DSCAM: variants seen among roughly 807,000 people sequenced by gnomAD.
DSCAM encodes cell adhesion molecule DSCAM.
In DSCAM, 47 loss-of-function variants were observed where a neutral mutation model predicts 217.7. The ratio of observed to expected loss-of-function variants is 0.22; its 90% CI spans 0.17 to 0.28. The LOEUF (loss-of-function observed/expected upper bound fraction) is 0.28, where lower values mean the gene tolerates loss of function less well. DSCAM is among the 10% of genes least tolerant of loss of function. The probability of loss-of-function intolerance (pLI) is 1.00; values close to 1 mark genes in which losing one functional copy is unlikely to be tolerated. For synonymous variants in DSCAM, 1,056 were observed against 1,015.3 expected (o/e 1.04, Z -0.76); for missense variants, 2,080 against 2,618.3 (o/e 0.79, Z 4.49).
chr21:40,452,120 A>C lies in DSCAM; in HGVS notation c.509-82875T>G, dbSNP rs78114246. Among the ~76,000 whole-genome samples, 369 of 152,248 alleles carry C rather than the reference A, an allele frequency of 2.4e-3. 13 individuals are homozygous for C. In the East Asian group the frequency reaches 0.061, roughly 25 times the overall value. ...AAGATGATTAAATGTGGAGAAAAAT[A>C]CATCCAATGAAAAATACAGAACACT... On this transcript the variant is annotated intron_variant, in intron 3 of 32. Transcript: ENST00000400454.
chr21:40,059,729 C>CCTGGCTTAGTA (rs2089084835), intron 28 of DSCAM, among the ~76,000 whole-genome samples: 1 of 152,046 alleles, frequency 6.6e-6, no homozygotes, highest in African/African-American at 2.4e-5. Flanking sequence ...GAAAACAAAG[C>CCTGGCTTAGTA]GGTAAAATGA....
chr21:40,704,530 C>T (rs922132280), intron 2 of DSCAM, among the ~76,000 whole-genome samples: 1 of 151,990 alleles, frequency 6.6e-6, no homozygotes, highest in Non-Finnish European at 1.5e-5. Context: ...GCCTGGGTAA[C>T]ATAGTGAGAA....
At chr21:40,482,355 G>A (rs543012289) in intron 3 of DSCAM, among the ~76,000 whole-genome samples, 29 of 152,254 alleles carry the variant, frequency 1.9e-4, no homozygotes, top group African/African-American at 7.0e-4. Flanking sequence ...TTGAAAACAC[G>A]TGCCTAGCAC....
intron 20 of DSCAM, among the ~76,000 whole-genome samples, chr21:40,113,760 T>C (rs62237606): frequency 0.12 from 18,626 of 151,968 alleles, 1,246 homozygotes; most frequent in Non-Finnish European, 0.16. Context: ...CATTCTTATA[T>C]ACCAATAACA....
chr21:40,209,040 G>C (rs984976406), intron 11 of DSCAM, among the ~76,000 whole-genome samples: 1 of 152,146 alleles, frequency 6.6e-6, no homozygotes, highest in Non-Finnish European at 1.5e-5. Flanking sequence ...TTGAGAACTC[G>C]CATTCAGGAT....
rs1034056665 is a variant in DSCAM, at chr21:40,393,073, C to G, written c.509-23828G>C. Among the ~76,000 whole-genome samples the G allele has an allele frequency of 2.6e-5, 4 of 152,204 alleles. No homozygotes were observed. The East Asian group carries it at 5.8e-4, about 22-fold the overall frequency. ...TATTTAATGCACGCAGCTCCAAAGG[C>G]TGGTTCCCTAATATCGGCTCCAAAT... On this transcript the variant is annotated intron_variant, in intron 3 of 32. Transcript: ENST00000400454.
intron 3 of DSCAM, among the ~76,000 whole-genome samples, chr21:40,559,158 G>C (rs2076695698): frequency 7.3e-6 from 1 of 136,670 alleles, no homozygotes; most frequent in South Asian, 2.5e-4. Context: ...TTGGAAGAAT[G>C]AATTCTCCAG....
intron 3 of DSCAM, among the ~76,000 whole-genome samples, chr21:40,381,203 T>C (rs1445475693): frequency 6.6e-6 from 1 of 152,120 alleles, no homozygotes; most frequent in Non-Finnish European, 1.5e-5. Flanking sequence ...AGAGTCCTCC[T>C]GCCAGGAATA....
At chr21:40,120,335 T>C (rs1333947682) in intron 20 of DSCAM, among the ~76,000 whole-genome samples, 2 of 152,228 alleles carry the variant, frequency 1.3e-5, no homozygotes, top group Admixed American at 1.3e-4. Flanking sequence ...TTTACATTTC[T>C]AAGCTCCGCA....
intron 21 of DSCAM, among the ~76,000 whole-genome samples, chr21:40,091,289 G>A (rs1048055004): frequency 5.9e-5 from 9 of 152,154 alleles, no homozygotes; most frequent in East Asian, 1.9e-4. Context: ...TTTCTCTTGC[G>A]GCAAAATCTG....
chr21:40,467,930 C>CAAAAAAA lies in DSCAM; in HGVS notation c.509-98692_509-98686dup, dbSNP rs56379350. Among the ~76,000 whole-genome samples the CAAAAAAA allele has an allele frequency of 6.0e-4, 51 of 84,370 alleles. 1 individual carries two copies. The highest frequency in any genetic ancestry group is 2.0e-3 in the East Asian group (5 of 2,524). 55.3% of individuals were successfully genotyped at this position (84,370 alleles called of 152,430 possible). On this transcript the variant is annotated intron_variant, in intron 3 of 32. Coordinates refer to ENST00000400454, the MANE Select transcript of DSCAM (RefSeq NM_001389.5). The stretch of plus-strand genomic sequence containing the variant: ...AAATAAGATAGCTACAAAGATTAAC[C>CAAAAAAA]AAAAAAAAAAAAAAAAAAAAACTAC...
chr21:40,132,009 T>C (rs965620684), intron 19 of DSCAM, among the ~76,000 whole-genome samples: 18 of 152,220 alleles, frequency 1.2e-4, no homozygotes, highest in African/African-American at 3.9e-4. Flanking sequence ...TCCCTTCTTA[T>C]TGGATTTCTG....
At chr21:40,711,517 G>A (rs1433798982) in intron 1 of DSCAM, among the ~76,000 whole-genome samples, 1 of 152,176 alleles carries the variant, frequency 6.6e-6, no homozygotes, top group Non-Finnish European at 1.5e-5. Context: ...AATAGATGTG[G>A]TTGACTCTAC....
intron 18 of DSCAM, among the ~76,000 whole-genome samples, chr21:40,139,755 T>C (rs1430077817): frequency 2.0e-5 from 3 of 151,294 alleles, no homozygotes; most frequent in Non-Finnish European, 3.0e-5. Context: ...GTGTGTGTCA[T>C]GTGGCGTGTG....
chr21:40,325,350 A>G (rs147467314), intron 8 of DSCAM, among the ~76,000 whole-genome samples: 8 of 152,336 alleles, frequency 5.3e-5, no homozygotes, highest in African/African-American at 1.7e-4. Flanking sequence ...ATTGGACCCC[A>G]GCTTTACTAT....
intron 20 of DSCAM, among the ~76,000 whole-genome samples, chr21:40,117,271 A>C (rs1398889769): frequency 6.6e-6 from 1 of 152,174 alleles, no homozygotes; most frequent in Admixed American, 6.5e-5. Context: ...CTATTTCAGC[A>C]CAATACCAGG....
chr21:40,087,746 G>A (rs993250903), intron 21 of DSCAM, among the ~76,000 whole-genome samples: 1 of 152,206 alleles, frequency 6.6e-6, no homozygotes, highest in Non-Finnish European at 1.5e-5. Flanking sequence ...ACAATTTCCC[G>A]ACTGTATTAT....
intron 3 of DSCAM, among the ~76,000 whole-genome samples, chr21:40,646,954 T>G (rs891680854): frequency 6.6e-6 from 1 of 152,264 alleles, no homozygotes; most frequent in Non-Finnish European, 1.5e-5. Context: ...CTCTCTGCCA[T>G]CACTCTATAC....
chr21:40,745,668 A>G (rs191184999), intron 1 of DSCAM, among the ~76,000 whole-genome samples: 1 of 152,324 alleles, frequency 6.6e-6, no homozygotes, highest in Admixed American at 6.5e-5. Flanking sequence ...AGAGTTCTTC[A>G]TCTGAAAGAA....
Sources: allele counts gnomAD v4.1 joint callset (sites outside exome capture counted in the v4.1 genomes callset), GRCh38; gene constraint gnomAD v4.1.1; transcripts MANE v1.5; gene names NCBI Gene and HGNC (gene_info 2026-07-23, HGNC 2026-07-21).